CCBE1: variants seen among roughly 807,000 people sequenced by gnomAD.
CCBE1 encodes collagen and calcium-binding EGF domain-containing protein 1.
CCBE1 carries 37 observed loss-of-function variants against 50.0 expected under a neutral mutation model. The observed-to-expected ratio is 0.74, with a 90% confidence interval of 0.57 to 0.97. The LOEUF (loss-of-function observed/expected upper bound fraction) is 0.97. CCBE1 is among the 50% of genes least tolerant of loss of function. The pLI is 0.00. For synonymous variants in CCBE1, 234 were observed against 203.7 expected, an observed-to-expected ratio of 1.15 and a Z score of -1.27; for missense variants, 538 against 523.8, an observed-to-expected ratio of 1.03 and a Z score of -0.26.
At chr18:59,593,367 G>A (rs1462644819) in intron 2 of CCBE1, among the ~76,000 whole-genome samples, 4 of 152,314 alleles carry the variant, frequency 2.6e-5, no homozygotes, top group East Asian at 3.9e-4. Context: ...TGATCAGAGA[G>A]TGCATTCTAG....
At chr18:59,581,122 C>T (rs552281665) in intron 2 of CCBE1, among the ~76,000 whole-genome samples, 1 of 152,100 alleles carries the variant, frequency 6.6e-6, no homozygotes, top group African/African-American at 2.4e-5. Flanking sequence ...ACTTATCAGA[C>T]AGAGTTTTAT....
chr18:59,624,339 G>C (rs1317638925), intron 2 of CCBE1, among the ~76,000 whole-genome samples: 2 of 152,202 alleles, frequency 1.3e-5, no homozygotes, highest in Non-Finnish European at 2.9e-5. Context: ...AAATGCAAGG[G>C]CATACTAAAG....
At chr18:59,461,877 C>T (rs527280679) in intron 5 of CCBE1, among the ~76,000 whole-genome samples, 2 of 151,778 alleles carry the variant, frequency 1.3e-5, no homozygotes, top group East Asian at 1.9e-4. Flanking sequence ...GGATTACAGG[C>T]GCCTGCCACC....
At chr18:59,474,937 G>GT (rs1298735549) in intron 3 of CCBE1, among the ~76,000 whole-genome samples, 1 of 152,144 alleles carries the variant, frequency 6.6e-6, no homozygotes, top group Non-Finnish European at 1.5e-5. Flanking sequence ...AGCTTCCAAA[G>GT]TTTTATTGCT....
At chr18:59,641,497 C>T (rs1402218831) in intron 2 of CCBE1, among the ~76,000 whole-genome samples, 2 of 152,034 alleles carry the variant, frequency 1.3e-5, no homozygotes, top group African/African-American at 4.8e-5. Flanking sequence ...CTATTGGGTA[C>T]ACTATCCTTA....
chr18:59,532,679 T>G (rs1915097764), intron 2 of CCBE1, among the ~76,000 whole-genome samples: 1 of 152,250 alleles, frequency 6.6e-6, no homozygotes, highest in Non-Finnish European at 1.5e-5. Flanking sequence ...TTACAGCTAA[T>G]TAACTTGGAT....
At chr18:59,451,433 T>TAAAAAAAAA (rs34421089) in intron 6 of CCBE1, among the ~76,000 whole-genome samples, 1 of 99,368 alleles carries the variant, frequency 1.0e-5, no homozygotes. Flanking sequence ...ACAAGCAACT[T>TAAAAAAAAA]AAAAAAAAAA....
intron 2 of CCBE1, among the ~76,000 whole-genome samples, chr18:59,526,309 ATTTTTT>A (rs35895583): frequency 7.7e-6 from 1 of 130,208 alleles, no homozygotes; most frequent in Non-Finnish European, 1.6e-5. Flanking sequence ...CTGATTTGAG[ATTTTTT>A]TTTTTTTTTT....
chr18:59,579,364 A>G (rs1055780962), intron 2 of CCBE1, among the ~76,000 whole-genome samples: 6 of 151,862 alleles, frequency 4.0e-5, no homozygotes, highest in African/African-American at 1.5e-4. Context: ...GCTATTCTCA[A>G]TCTCAGCTGA....
At chr18:59,495,385 C>T (rs190880236) in intron 2 of CCBE1, among the ~76,000 whole-genome samples, 1 of 138,198 alleles carries the variant, frequency 7.2e-6, no homozygotes, top group Admixed American at 7.6e-5. Flanking sequence ...CAGTCAAGTC[C>T]AGGGCCTCTT....
intron 2 of CCBE1, among the ~76,000 whole-genome samples, chr18:59,525,015 T>G (rs1328680645): frequency 1.3e-5 from 2 of 152,238 alleles, no homozygotes; most frequent in Non-Finnish European, 2.9e-5. Context: ...TTTGCTATTG[T>G]GAATGGTGCT....
chr18:59,513,114 C>A (rs1305728078), intron 2 of CCBE1, among the ~76,000 whole-genome samples: 1 of 152,116 alleles, frequency 6.6e-6, no homozygotes, highest in East Asian at 1.9e-4. Flanking sequence ...TCGAGACCAG[C>A]CCAGCCAACA....
chr18:59,602,069 G>T (rs2053441082), intron 2 of CCBE1, among the ~76,000 whole-genome samples: 1 of 149,252 alleles, frequency 6.7e-6, no homozygotes, highest in African/African-American at 2.5e-5. Context: ...CAATTCAAGT[G>T]CCCATCATTT....
chr18:59,580,267 G>A (rs1181063663), intron 2 of CCBE1, among the ~76,000 whole-genome samples: 5 of 152,118 alleles, frequency 3.3e-5, no homozygotes, highest in South Asian at 4.1e-4. Flanking sequence ...TAATGCAACC[G>A]TTGGCCTCTT....
chr18:59,512,662 C>T (rs952387470), intron 2 of CCBE1, among the ~76,000 whole-genome samples: 5 of 152,224 alleles, frequency 3.3e-5, no homozygotes, highest in African/African-American at 9.6e-5. Context: ...GGGGAGTCTC[C>T]ACTCTCAGGG....
intron 2 of CCBE1, among the ~76,000 whole-genome samples, chr18:59,521,527 A>G (rs1914600085): frequency 6.6e-6 from 1 of 152,218 alleles, no homozygotes; most frequent in Non-Finnish European, 1.5e-5. Context: ...TCAGCAGCAG[A>G]TCCAAGGCCT....
At chr18:59,592,509 T>C (rs559079406) in intron 2 of CCBE1, among the ~76,000 whole-genome samples, 3 of 152,290 alleles carry the variant, frequency 2.0e-5, no homozygotes, top group Non-Finnish European at 4.4e-5. Flanking sequence ...AAGAAGATCC[T>C]TACAGATATA....
chr18:59,546,707 T>C (rs1002910826), intron 2 of CCBE1, among the ~76,000 whole-genome samples: 7 of 152,202 alleles, frequency 4.6e-5, no homozygotes, highest in Admixed American at 2.0e-4. Context: ...CTGGTAAATA[T>C]TTTCCTTAGT....
chr18:59,449,880 G>A (rs1910852061), intron 6 of CCBE1, among the ~76,000 whole-genome samples: 1 of 152,148 alleles, frequency 6.6e-6, no homozygotes, highest in African/African-American at 2.4e-5. Context: ...AAAGTGACGA[G>A]GTAAGGTGGC....
Sources: gnomAD v4.1 joint callset for allele counts (sites outside exome capture counted in the v4.1 genomes callset) on GRCh38, gnomAD v4.1.1 for gene constraint, MANE v1.5 for transcripts, NCBI Gene and HGNC (gene_info 2026-07-23, HGNC 2026-07-21) for gene names.